Variants in RILPL1 observed in about 807,000 individuals in gnomAD.
RILPL1 encodes Rab interacting lysosomal protein like 1.
In RILPL1, 33 loss-of-function variants were observed where a neutral mutation model predicts 50.3. The observed-to-expected ratio is 0.66, with a 90% CI of 0.50 to 0.88. RILPL1 has a LOEUF of 0.88. RILPL1 is among the 40% of genes least tolerant of loss of function. The pLI, the probability that RILPL1 is intolerant of heterozygous loss-of-function variation, is 0.00. For missense variants in RILPL1, 418 were observed against 542.5 expected, an observed-to-expected ratio of 0.77 and a Z score of 2.28; for synonymous variants, 205 against 228.6, an observed-to-expected ratio of 0.90 and a Z score of 0.93.
chr12:123,494,717 A>G (rs1882921424), intron 4 of RILPL1, among the ~76,000 whole-genome samples: 2 of 152,146 alleles, frequency 1.3e-5, no homozygotes, highest in African/African-American at 4.8e-5. Flanking sequence ...CCACTGTCAT[A>G]GATTGAGTTC....
chr12:123,500,245 A>G (rs1204622204), intron 2 of RILPL1, among the ~76,000 whole-genome samples: 1 of 102,386 alleles, frequency 9.8e-6, no homozygotes, highest in Non-Finnish European at 2.0e-5. Flanking sequence ...TATTACCTTT[A>G]TGGCACTTTT....
At chr12:123,510,482 A>G (rs1196986015) in intron 2 of RILPL1, among the ~76,000 whole-genome samples, 1 of 97,964 alleles carries the variant, frequency 1.0e-5, no homozygotes, top group Admixed American at 1.1e-4. Flanking sequence ...TGTGGGGTAT[A>G]TGTGTGTGAT....
chr12:123,481,209 T>G (rs1021347839), intron 6 of RILPL1, among the ~76,000 whole-genome samples: 19 of 151,928 alleles, frequency 1.3e-4, no homozygotes, highest in Non-Finnish European at 2.2e-4. Context: ...TTACAAAACT[T>G]AGCCGGGCGT....
At chr12:123,486,377 G>C (rs1344687918) in intron 4 of RILPL1, among the ~76,000 whole-genome samples, 2 of 152,130 alleles carry the variant, frequency 1.3e-5, no homozygotes, top group Non-Finnish European at 2.9e-5. Context: ...CCATTTCTCT[G>C]TGATGCGGGT....
At position 123,516,033 on chromosome 12, in the gene RILPL1, C is replaced by CAAAAAAAAAAAAAAAAAAA. The variant is rs749657516; in HGVS notation, c.460+7443_460+7461dup. Among the ~76,000 whole-genome samples, 25 of 36,188 alleles carry CAAAAAAAAAAAAAAAAAAA rather than the reference C, an allele frequency of 6.9e-4. 1 individual carries two copies. The highest frequency in any genetic ancestry group is 1.6e-3 in the South Asian group (1 of 610). 23.7% of individuals were successfully genotyped at this position (36,188 alleles called of 152,430 possible). ...TGGGCCACAGAGCGAGACTCTGTCTCAAAAAAAAAAAAAAAAAAAAAAAAA... is the reference window on the plus strand; with the variant it reads ...TGGGCCACAGAGCGAGACTCTGTCTCAAAAAAAAAAAAAAAAAAAAAAAAAAAAAAAAAAAAAAAAAAAA... On this transcript the variant is annotated intron_variant, in intron 2 of 6. Coordinates refer to ENST00000376874, the MANE Select transcript of RILPL1 (RefSeq NM_178314.5).
rs755587767 is a variant in RILPL1 at position 123,533,293 on chromosome 12, G to A, written c.190C>T (p.Leu64=). ...MPKVVRVLEI[L]EVLVSRHHVA... ...TGGTGGCGGCTGACCAGCACCTCCA[G>A]GATCTCCAGGACGCGCACGACCTTG... The change falls in exon 1 of 7, where the codon CTG becomes TTG. Residue 64 remains leucine (L), a synonymous_variant. Coordinates refer to ENST00000376874, the MANE Select transcript of RILPL1 (RefSeq NM_178314.5). This position sits in a 1 kb window ranked among gnomAD's most constrained non-coding sequence, Gnocchi z 6.2. 5.0e-6 allele frequency: 8 copies of A among 1,585,534 alleles called. No individual in the cohort carries two copies. The East Asian group carries it at 1.1e-4, about 23-fold the overall frequency.
Position 123,488,492 on chromosome 12 carries a change from G to A in RILPL1, c.802-2687C>T, listed in dbSNP as rs1010099344. Among the ~76,000 whole-genome samples the A allele has an allele frequency of 1.4e-4, 21 of 151,418 alleles. 1 individual carries two copies. The highest frequency in any genetic ancestry group is 1.3e-3 in the Admixed American group (20 of 15,184). On this transcript the variant is annotated intron_variant, in intron 4 of 6. Coordinates refer to ENST00000376874, the MANE Select transcript of RILPL1 (RefSeq NM_178314.5). ...GAAGAAGAAGAAAAACCCCATAGCA[G>A]CACAGGGAGAAGGGGACTAACTCCA...
In RILPL1 at chr12:123,533,264, G is replaced by T. The variant is rs895267307; in HGVS notation, c.219C>A (p.Val73=). The change falls in exon 1 of 7, where the codon GTC becomes GTA. Residue 73 remains valine, a synonymous_variant. Coordinates refer to ENST00000376874, the MANE Select transcript of RILPL1 (RefSeq NM_178314.5). The surrounding 1 kb of genome is among the most constrained non-coding windows in gnomAD (Gnocchi z 6.2). ...ILEVLVSRHH[V]APELDELRLE... ...GGCGCAGCTCGTCCAGCTCGGGCGC[G>T]ACGTGGTGGCGGCTGACCAGCACCT... is the stretch of plus-strand genomic sequence containing the variant. The T allele has an allele frequency of 6.3e-7, 1 of 1,590,922 alleles. No homozygotes were observed.
At position 123,529,569 on chromosome 12, in the gene RILPL1, G is replaced by A. The variant is rs116263861; in HGVS notation, c.309+3605C>T. Among the ~76,000 whole-genome samples the A allele has an allele frequency of 3.7e-3, 526 of 141,072 alleles. 2 individuals carry two copies. Among genetic ancestry groups the A allele is most frequent in the African/African-American group, 0.013 (500 of 39,466 alleles). 92.5% of individuals were successfully genotyped at this position (141,072 alleles called of 152,430 possible). A position where few individuals can be genotyped will look rare whatever the true frequency, so the allele number is the denominator to read the frequency against. On this transcript the variant is annotated intron_variant, in intron 1 of 6. Coordinates refer to ENST00000376874, the MANE Select transcript of RILPL1 (RefSeq NM_178314.5). Reference sequence around the variant, plus strand: ...TGGGATTACAGGTGTGAAACACTGTGCCCAGCCTGAATTTTTTTTTTTTTT... The same window carrying A: ...TGGGATTACAGGTGTGAAACACTGTACCCAGCCTGAATTTTTTTTTTTTTT...
rs1450692689 is a variant in RILPL1, at chr12:123,526,531, T to C, written c.310-2886A>G. On this transcript the variant is annotated intron_variant, in intron 1 of 6. Coordinates refer to ENST00000376874, the MANE Select transcript of RILPL1 (RefSeq NM_178314.5). ...AAATGGTTACTATAAGTAAAGCGCC[T>C]GGAATATGCCCGGCACCCAGAAAGC... Among the ~76,000 whole-genome samples the C allele has an allele frequency of 3.3e-5, 5 of 152,204 alleles. No homozygotes were observed. In the East Asian group the frequency reaches 9.7e-4, roughly 29 times the overall value.
intron 6 of RILPL1, among the ~76,000 whole-genome samples, chr12:123,480,432 G>C (rs1881892523): frequency 6.6e-6 from 1 of 152,018 alleles, no homozygotes; most frequent in South Asian, 2.1e-4. Flanking sequence ...AAAGTGCTGG[G>C]ATTACAGGTT....
At chr12:123,501,467 C>CA (rs1352551980) in intron 2 of RILPL1, among the ~76,000 whole-genome samples, 15 of 150,880 alleles carry the variant, frequency 9.9e-5, no homozygotes, top group Admixed American at 9.3e-4. Flanking sequence ...AACAAACAAA[C>CA]AAAAAACCTC....
chr12:123,519,412 C>T (rs1340069818), intron 2 of RILPL1: 1 of 152,266 alleles, frequency 6.6e-6, no homozygotes, highest in East Asian at 1.9e-4. Context: ...GCTTTTTAAT[C>T]TGGAGACTTC....
chr12:123,527,599 G>T (rs1755235189), intron 1 of RILPL1, among the ~76,000 whole-genome samples: 1 of 151,906 alleles, frequency 6.6e-6, no homozygotes, highest in Non-Finnish European at 1.5e-5. Context: ...GGAAGCAGAG[G>T]TTGCAGTGAG....
Position 123,533,530 on chromosome 12 carries a change from CA to C in RILPL1, c.-49del. ...CCGCCCCGCAAACTCGTGCAACTCC[CA>C]AACTTGCCGCTGTCGAGGGCCGGGC... On this transcript the variant is annotated 5_prime_UTR_variant, in exon 1 of 7. Transcript: ENST00000376874. The surrounding 1 kb of genome is among the most constrained non-coding windows in gnomAD (Gnocchi z 6.2). 7.0e-7 allele frequency: 1 copy of C among 1,424,454 alleles called. No individual in the cohort carries two copies. The highest frequency in any genetic ancestry group is 9.3e-7 in the Non-Finnish European group (1 of 1,080,450). 88.2% of individuals were successfully genotyped at this position (1,424,454 alleles called of 1,614,324 possible).
chr12:123,481,453 C>T (rs147165305), intron 6 of RILPL1, among the ~76,000 whole-genome samples: 179 of 152,154 alleles, frequency 1.2e-3, no homozygotes, highest in African/African-American at 4.0e-3. Context: ...AGAATGGAGC[C>T]CACAGAGGAA....
intron 4 of RILPL1, among the ~76,000 whole-genome samples, chr12:123,490,750 CTTTT>C (rs36045938): frequency 7.5e-6 from 1 of 132,790 alleles, no homozygotes; most frequent in Admixed American, 7.5e-5. Flanking sequence ...AAAGTCCTGA[CTTTT>C]TTTTTTTTTT....
Position 123,498,694 on chromosome 12 carries a change from G to A in RILPL1, c.651C>T (p.Ala217=). 2.5e-6 allele frequency: 4 copies of A among 1,613,610 alleles called. No homozygotes were observed. The highest frequency in any genetic ancestry group is 2.5e-6 in the Non-Finnish European group (3 of 1,179,856). Residue 217 remains alanine (A), a synonymous_variant, in exon 4 of 7, where the codon GCC becomes GCT. Transcript: ENST00000376874. This position sits in a 1 kb window ranked among gnomAD's most constrained non-coding sequence, Gnocchi z 4.3. The part of the protein sequence containing the change: ...DLRHRVTVVE[A]QGKALIEQKV... The stretch of plus-strand genomic sequence containing the variant: ...TCTGTTCGATCAGGGCTTTCCCCTG[G>A]GCCTCCACCACCGTGACCCGGTGCC...
At chr12:123,478,137 CA>C (rs201919791) in intron 6 of RILPL1, among the ~76,000 whole-genome samples, 3,137 of 151,766 alleles carry the variant, frequency 0.021, 92 homozygotes, top group African/African-American at 0.066. Context: ...GCTGGGACTA[CA>C]AGCATGTGCC....
Sources: allele counts gnomAD v4.1 joint callset (sites outside exome capture counted in the v4.1 genomes callset), GRCh38; gene constraint gnomAD v4.1.1; non-coding constraint Gnocchi (gnomAD v3.1); transcripts MANE v1.5; gene names NCBI Gene and HGNC (gene_info 2026-07-23, HGNC 2026-07-21).